DCTN5: variants seen among roughly 807,000 people sequenced by gnomAD.
The protein encoded by DCTN5 is dynactin subunit 5.
A neutral mutation model predicts 23.5 loss-of-function variants in DCTN5; 14 were observed. That is an observed-to-expected ratio of 0.60 (90% CI 0.39 to 0.93). The LOEUF is 0.93. Among genes scored for constraint, DCTN5 ranks in the 40% least tolerant of loss-of-function variants. The pLI, the probability that DCTN5 is intolerant of heterozygous loss-of-function variation, is 0.00. For synonymous variants in DCTN5, 67 were observed against 79.6 expected (o/e 0.84, Z 0.84); for missense variants, 156 against 225.9 (o/e 0.69, Z 1.98).
intron 2 of DCTN5, among the ~76,000 whole-genome samples, chr16:23,644,727 C>T (rs373345991): frequency 1.3e-4 from 19 of 151,734 alleles, no homozygotes; most frequent in Non-Finnish European, 1.2e-4. Flanking sequence ...TGAGCCACCA[C>T]GCCCAGCCCA....
At position 23,641,569 on chromosome 16, in the gene DCTN5, C is replaced by G. The variant is rs768516712; in HGVS notation, c.27C>G (p.Asn9Lys). Reference protein sequence around the residue: MELGELLYNKSEYIETASG... With the variant: MELGELLYKKSEYIETASG... ...TGGAGTTGGGCGAGCTGCTCTACAA[C>G]AAGTCTGAGTACATCGAGACGGTGC... The change falls in exon 1 of 6, where the codon AAC (asparagine) becomes AAG (lysine). Residue 9 changes from asparagine to lysine, a missense_variant. Asn to Lys is a moderately conservative substitution (Grantham distance 94). Around this residue, in one of 2 missense-constraint regions of DCTN5, gnomAD observed 153 missense variants for 206.8 expected, o/e 0.74. Transcript: ENST00000300087. The G allele has an allele frequency of 1.9e-6, 3 of 1,614,038 alleles. No homozygotes were observed. Among genetic ancestry groups the G allele is most frequent in the Non-Finnish European group, 2.5e-6 (3 of 1,179,924 alleles).
rs1968034430 is a variant in DCTN5 at position 23,673,036 on chromosome 16, G to A, written c.*5892G>A. On this transcript the variant is annotated 3_prime_UTR_variant, in exon 6 of 6. Transcript: ENST00000300087. ...CCAGCTACTTGGGAGGCTGAGGCAG[G>A]AGAATGGCGCGAACCCAGGGGGCGG... The A allele has an allele frequency of 6.6e-6, 1 of 151,666 alleles. No individual in the cohort carries two copies. The highest frequency in any genetic ancestry group is 2.1e-4 in the South Asian group (1 of 4,786). The allele number at this position is 151,666 out of a possible 1,614,324, so 9.4% of individuals were successfully genotyped here.
intron 3 of DCTN5, 54 bp downstream of exon 3, chr16:23,658,679 G>T: frequency 7.3e-7 from 1 of 1,375,784 alleles, no homozygotes. Context: ...GCCACTGGTG[G>T]TGTGGTCCAT....
chr16:23,654,033 A>G (rs1967652172), intron 2 of DCTN5, among the ~76,000 whole-genome samples: 1 of 152,202 alleles, frequency 6.6e-6, no homozygotes, highest in Admixed American at 6.5e-5. Context: ...GTCAGAAAAT[A>G]ACAGATGCTG....
intron 4 of DCTN5, among the ~76,000 whole-genome samples, chr16:23,665,321 C>T (rs1282138721): frequency 2.6e-5 from 4 of 152,164 alleles, no homozygotes; most frequent in African/African-American, 9.7e-5. Flanking sequence ...AGCAAAAGCA[C>T]AAATGTCCAC....
chr16:23,666,152 C>T (rs1178293417), intron 5 of DCTN5: 2 of 169,588 alleles, frequency 1.2e-5, no homozygotes, highest in African/African-American at 2.4e-5. Context: ...GCTGCCAACA[C>T]AGGGAATGTA....
intron 5 of DCTN5, chr16:23,666,408 A>G (rs1366842022): frequency 6.5e-6 from 1 of 153,392 alleles, no homozygotes; most frequent in Non-Finnish European, 1.5e-5. Flanking sequence ...GCTCACAAGT[A>G]AAGCCCATCA....
intron 2 of DCTN5, among the ~76,000 whole-genome samples, chr16:23,647,135 G>T (rs200267479): frequency 5.4e-5 from 7 of 128,856 alleles, no homozygotes; most frequent in East Asian, 2.7e-4. Context: ...AAGTTTTCTG[G>T]TTTTTTTTTT....
intron 2 of DCTN5, among the ~76,000 whole-genome samples, chr16:23,644,734 C>A (rs1329923120): frequency 6.6e-6 from 1 of 151,822 alleles, no homozygotes; most frequent in Non-Finnish European, 1.5e-5. Flanking sequence ...CCACGCCCAG[C>A]CCAAGATTTT....
intron 2 of DCTN5, among the ~76,000 whole-genome samples, chr16:23,645,083 CTA>C (rs869302728): frequency 2.2e-3 from 72 of 33,118 alleles, no homozygotes; most frequent in South Asian, 3.4e-3. Flanking sequence ...CCCAGCCTAA[CTA>C]TATATATATA....
At chr16:23,666,676 G>C (rs1567234188) in intron 5 of DCTN5, 4 of 355,454 alleles carry the variant, frequency 1.1e-5, no homozygotes, top group Non-Finnish European at 2.1e-5. Context: ...ACCTACCACT[G>C]AGTGGTTTAA....
At chr16:23,643,439 C>T (rs1199081698) in intron 2 of DCTN5, among the ~76,000 whole-genome samples, 5 of 151,992 alleles carry the variant, frequency 3.3e-5, no homozygotes, top group African/African-American at 1.2e-4. Context: ...GTGATCCACC[C>T]ACCTCGGCCT....
Position 23,658,517 on chromosome 16 carries a change from T to G in DCTN5, c.128T>G (p.Met43Arg). 1 of 1,613,768 alleles carries G rather than the reference T, an allele frequency of 6.2e-7. No individual in the cohort carries two copies. The highest frequency in any genetic ancestry group is 8.5e-7 in the Non-Finnish European group (1 of 1,179,592). The change falls in exon 3 of 6, where the codon ATG (methionine) becomes AGG (arginine). Residue 43 changes from methionine (M) to arginine (R), a missense_variant. Coordinates refer to ENST00000300087, the MANE Select transcript of DCTN5 (RefSeq NM_032486.4). ...TGCTTCGTCTTACAGACCATTGTGA[T>G]GAATGACTGTATTATCCGAGGGGAT... ...NIVLNGKTIV[M>R]NDCIIRGDLA...
intron 4 of DCTN5, among the ~76,000 whole-genome samples, chr16:23,663,379 C>T (rs908947447): frequency 4.6e-5 from 7 of 152,182 alleles, no homozygotes; most frequent in Non-Finnish European, 8.8e-5. Flanking sequence ...AGCACGGCTG[C>T]AGTTGTTAAC....
chr16:23,665,537 A>G, intron 4 of DCTN5, 89 bp from the exon 5 acceptor site: 4 of 1,246,392 alleles, frequency 3.2e-6, no homozygotes, highest in Non-Finnish European at 4.5e-6. Context: ...GTCCCTGGCT[A>G]TTACATGGTA....
intron 1 of DCTN5, 192 bp from the exon 2 acceptor site, chr16:23,642,763 A>G: frequency 1.7e-6 from 1 of 579,426 alleles, no homozygotes; most frequent in Non-Finnish European, 3.1e-6. Flanking sequence ...CTGAGATTAC[A>G]GGCATGAGCC....
In DCTN5 at chr16:23,674,068, T is replaced by C. The variant is rs1322225597; in HGVS notation, c.*6924T>C. 1 of 152,166 alleles carries C rather than the reference T, an allele frequency of 6.6e-6. No homozygotes were observed. Among genetic ancestry groups the C allele is most frequent in the Non-Finnish European group, 1.5e-5 (1 of 68,034 alleles). 9.4% of individuals were successfully genotyped at this position (152,166 alleles called of 1,614,324 possible). A position where few individuals can be genotyped will look rare whatever the true frequency, so the allele number is the denominator to read the frequency against. Reference sequence around the variant, plus strand: ...GCTGCTGAAGAAAAGCAGCTGCTTGTTGAGAATCTCAAATTCTCAGATCCT... The same window carrying C: ...GCTGCTGAAGAAAAGCAGCTGCTTGCTGAGAATCTCAAATTCTCAGATCCT... On this transcript the variant is annotated 3_prime_UTR_variant, in exon 6 of 6. Transcript: ENST00000300087.
intron 2 of DCTN5, chr16:23,650,946 C>A: frequency 7.0e-7 from 1 of 1,428,890 alleles, no homozygotes; most frequent in South Asian, 1.3e-5. Flanking sequence ...GCCCACGTGG[C>A]AACAATCAGC....
chr16:23,660,579 T>C (rs1002716120), intron 3 of DCTN5, among the ~76,000 whole-genome samples: 3 of 152,228 alleles, frequency 2.0e-5, no homozygotes, highest in Non-Finnish European at 2.9e-5. Context: ...TAACTTGATA[T>C]TGTGTTTCTG....
Sources: allele counts gnomAD v4.1 joint callset (sites outside exome capture counted in the v4.1 genomes callset), GRCh38; gene constraint gnomAD v4.1.1; regional missense constraint gnomAD v4.1.1; transcripts MANE v1.5; gene names NCBI Gene and HGNC (gene_info 2026-07-23, HGNC 2026-07-21).